PTPRM: variants seen among roughly 807,000 people sequenced by gnomAD.
The protein encoded by PTPRM is protein tyrosine phosphatase receptor type M, also known as receptor-type tyrosine-protein phosphatase mu.
PTPRM carries 47 observed loss-of-function variants against 186.7 expected under a neutral mutation model. That is an observed-to-expected ratio of 0.25 (90% CI 0.20 to 0.32). The LOEUF (loss-of-function observed/expected upper bound fraction) is 0.32, where lower values mean the gene tolerates loss of function less well. PTPRM is among the 10% of genes least tolerant of loss of function. The pLI is 1.00. For missense variants in PTPRM, 1,494 were observed against 1,865.0 expected (o/e 0.80, Z 3.66); for synonymous variants, 668 against 674.9 (o/e 0.99, Z 0.16).
chr18:7,623,635 A>G (rs1324763174), intron 1 of PTPRM, among the ~76,000 whole-genome samples: 1 of 152,158 alleles, frequency 6.6e-6, no homozygotes, highest in African/African-American at 2.4e-5. Flanking sequence ...TAGGCTCCTA[A>G]CAGTTTTTCA....
At chr18:8,187,012 C>T (rs1056450645) in intron 14 of PTPRM, among the ~76,000 whole-genome samples, 6 of 151,046 alleles carry the variant, frequency 4.0e-5, no homozygotes, top group Admixed American at 6.6e-5. Flanking sequence ...TTGATCTTGG[C>T]GCACTGCAAC....
At chr18:7,663,864 C>G (rs2039032928) in intron 1 of PTPRM, among the ~76,000 whole-genome samples, 1 of 152,190 alleles carries the variant, frequency 6.6e-6, no homozygotes, top group African/African-American at 2.4e-5. Flanking sequence ...TCAGTGCCCC[C>G]ATGGGACTAG....
At chr18:8,046,280 G>A (rs2087046474) in intron 7 of PTPRM, among the ~76,000 whole-genome samples, 1 of 152,146 alleles carries the variant, frequency 6.6e-6, no homozygotes, top group South Asian at 2.1e-4. Context: ...CCTCATAGCA[G>A]CATGAGAACA....
rs957974109 is a variant in PTPRM at position 7,978,613 on chromosome 18, G to C, written c.1132+23199G>C. Among the ~76,000 whole-genome samples the C allele has an allele frequency of 2.0e-5, 3 of 152,164 alleles. No homozygotes were observed. In the East Asian group the frequency reaches 5.8e-4, roughly 29 times the overall value. On this transcript the variant is annotated intron_variant, in intron 7 of 32. Coordinates refer to ENST00000580170, the MANE Select transcript of PTPRM (RefSeq NM_001105244.2). ...AATGTTGGTAACACTTTCTCTGTTT[G>C]ACACGTTAGCTTGGCATATAACTTT... is the stretch of plus-strand genomic sequence containing the variant.
intron 13 of PTPRM, among the ~76,000 whole-genome samples, chr18:8,127,395 G>A (rs2092395215): frequency 4.1e-5 from 6 of 147,836 alleles, no homozygotes; most frequent in African/African-American, 9.9e-5. Context: ...GCACATGAAC[G>A]GCACTCAGAG....
At chr18:7,637,344 T>C (rs1387022860) in intron 1 of PTPRM, among the ~76,000 whole-genome samples, 1 of 152,146 alleles carries the variant, frequency 6.6e-6, no homozygotes, top group Non-Finnish European at 1.5e-5. Flanking sequence ...TTTTAAGCAT[T>C]GGGATTCTTC....
At chr18:8,263,182 C>T (rs2147517680) in intron 19 of PTPRM, among the ~76,000 whole-genome samples, 1 of 152,186 alleles carries the variant, frequency 6.6e-6, no homozygotes, top group South Asian at 2.1e-4. Context: ...AGTCTGGGTT[C>T]ACTGCAACCT....
chr18:8,357,889 A>G (rs1365665446), intron 23 of PTPRM, among the ~76,000 whole-genome samples: 1 of 152,056 alleles, frequency 6.6e-6, no homozygotes, highest in East Asian at 1.9e-4. Context: ...AGAAACACAT[A>G]CTCGCAGACT....
intron 7 of PTPRM, among the ~76,000 whole-genome samples, chr18:8,049,109 A>G (rs1408381314): frequency 6.6e-6 from 1 of 152,234 alleles, no homozygotes; most frequent in Non-Finnish European, 1.5e-5. Flanking sequence ...ATATCAAGGA[A>G]GTCTTTCACT....
At chr18:8,079,581 A>T (rs978335430) in intron 9 of PTPRM, among the ~76,000 whole-genome samples, 3 of 152,078 alleles carry the variant, frequency 2.0e-5, no homozygotes, top group African/African-American at 7.2e-5. Flanking sequence ...ATATTATCAA[A>T]CCCAGCATTT....
intron 1 of PTPRM, among the ~76,000 whole-genome samples, chr18:7,734,463 A>G (rs1481003908): frequency 2.6e-5 from 4 of 152,198 alleles, no homozygotes; most frequent in African/African-American, 7.2e-5. Context: ...GTTATAATTA[A>G]GTCCTTACTA....
intron 7 of PTPRM, among the ~76,000 whole-genome samples, chr18:7,982,964 C>T (rs905170069): frequency 1.2e-4 from 18 of 152,096 alleles, no homozygotes; most frequent in African/African-American, 4.3e-4. Flanking sequence ...CCTGATAGCT[C>T]CTATTTGGCA....
intron 13 of PTPRM, among the ~76,000 whole-genome samples, chr18:8,134,777 A>G (rs1244869909): frequency 3.3e-5 from 5 of 152,110 alleles, no homozygotes; most frequent in African/African-American, 9.7e-5. Context: ...ACAACTGACC[A>G]AGATCACTTT....
chr18:8,291,295 G>A (rs1174601391), intron 19 of PTPRM, among the ~76,000 whole-genome samples: 3 of 152,196 alleles, frequency 2.0e-5, no homozygotes, highest in East Asian at 3.9e-4. Flanking sequence ...GTAAGGATTT[G>A]TCTCAGGCAT....
intron 1 of PTPRM, among the ~76,000 whole-genome samples, chr18:7,582,105 G>A (rs2036861593): frequency 1.3e-5 from 2 of 152,168 alleles, no homozygotes; most frequent in Non-Finnish European, 2.9e-5. Context: ...AAGGTATATT[G>A]GTTAGCTATT....
intron 1 of PTPRM, among the ~76,000 whole-genome samples, chr18:7,686,106 A>G (rs1176291799): frequency 6.6e-6 from 1 of 152,164 alleles, no homozygotes; most frequent in Non-Finnish European, 1.5e-5. Flanking sequence ...AAAAAATGAA[A>G]TAGAATCATG....
chr18:8,157,366 G>A (rs936664516), intron 14 of PTPRM, among the ~76,000 whole-genome samples: 4 of 152,282 alleles, frequency 2.6e-5, no homozygotes, highest in African/African-American at 7.2e-5. Flanking sequence ...TGCGTGCCTC[G>A]AAGTCTTTGT....
chr18:7,929,037 G>GT (rs112740316), intron 5 of PTPRM, among the ~76,000 whole-genome samples: 225 of 151,750 alleles, frequency 1.5e-3, no homozygotes, highest in African/African-American at 4.6e-3. Context: ...GTTTTGGTTT[G>GT]TTTTTTTTCA....
intron 14 of PTPRM, among the ~76,000 whole-genome samples, chr18:8,194,606 T>G (rs2093751368): frequency 6.6e-6 from 1 of 152,186 alleles, no homozygotes; most frequent in South Asian, 2.1e-4. Context: ...CTTACTGGTT[T>G]GTTGTGAGTG....
Sources: allele counts gnomAD v4.1 joint callset (sites outside exome capture counted in the v4.1 genomes callset), GRCh38; gene constraint gnomAD v4.1.1; transcripts MANE v1.5; gene names NCBI Gene and HGNC (gene_info 2026-07-23, HGNC 2026-07-21).